Variants in TBC1D23 observed in about 807,000 individuals in gnomAD.
TBC1D23 encodes the protein TBC1 domain family member 23, also known as HCV non-structural protein 4A-transactivated protein 1.
A neutral mutation model predicts 91.4 loss-of-function variants in TBC1D23; 55 were observed. That is an observed-to-expected ratio of 0.60 (90% CI 0.48 to 0.75). TBC1D23 has a LOEUF of 0.75. Ranked by LOEUF, TBC1D23 falls within the 30% of genes least tolerant of loss-of-function variation. The pLI, the probability that TBC1D23 is intolerant of heterozygous loss-of-function variation, is 0.00. For missense variants in TBC1D23, 725 were observed against 836.1 expected, an observed-to-expected ratio of 0.87 and a Z score of 1.64; for synonymous variants, 289 against 281.0, an observed-to-expected ratio of 1.03 and a Z score of -0.28.
chr3:100,308,546 A>G (rs1705559775), intron 13 of TBC1D23, among the ~76,000 whole-genome samples: 1 of 152,220 alleles, frequency 6.6e-6, no homozygotes, highest in Admixed American at 6.5e-5. Flanking sequence ...AAAAGTATAA[A>G]GAAAATAAAA....
intron 1 of TBC1D23, among the ~76,000 whole-genome samples, chr3:100,274,972 A>G (rs560444108): frequency 7.0e-6 from 1 of 143,388 alleles, no homozygotes; most frequent in Admixed American, 7.1e-5. Context: ...GCTACTGTGG[A>G]TAATGCTGCT....
chr3:100,278,339 A>G (rs1446774546), intron 1 of TBC1D23, among the ~76,000 whole-genome samples: 5 of 152,162 alleles, frequency 3.3e-5, no homozygotes, highest in Non-Finnish European at 7.3e-5. Context: ...GAAATCATAA[A>G]CAATGACTGA....
chr3:100,296,581 C>T (rs1390940711), intron 8 of TBC1D23, among the ~76,000 whole-genome samples: 10 of 151,940 alleles, frequency 6.6e-5, no homozygotes, highest in South Asian at 2.1e-4. Context: ...ATTACAGGGC[C>T]GGGCGTGGTG....
intron 15 of TBC1D23, 22 bp from the exon 16 acceptor site, chr3:100,316,077 T>C (rs1434707050): frequency 1.9e-6 from 3 of 1,562,560 alleles, no homozygotes; most frequent in South Asian, 1.1e-5. Context: ...ATTATTTCTC[T>C]CCTAAAATTC....
intron 2 of TBC1D23, among the ~76,000 whole-genome samples, chr3:100,280,585 C>T (rs1049205340): frequency 1.3e-5 from 2 of 152,148 alleles, no homozygotes; most frequent in African/African-American, 4.8e-5. Context: ...GGTCTTGGTG[C>T]TTACCTTTTT....
chr3:100,300,222 CAG>C lies in TBC1D23; in HGVS notation c.1092+892_1092+893del, dbSNP rs1463631714. Among the ~76,000 whole-genome samples, 5 of 152,128 alleles carry C rather than the reference CAG, an allele frequency of 3.3e-5. No individual in the cohort carries two copies. In the East Asian group the frequency reaches 9.6e-4, roughly 29 times the overall value. ...AGCCATTCTGGGATCATTAAAGCCT[CAG>C]GGATGGGGAACACAGGAATGGGATG... On this transcript the variant is annotated intron_variant, in intron 10 of 18. Transcript: ENST00000394144.
chr3:100,314,711 G>A (rs531383652), intron 15 of TBC1D23, among the ~76,000 whole-genome samples: 149 of 152,318 alleles, frequency 9.8e-4, no homozygotes, highest in Admixed American at 2.1e-3. Flanking sequence ...CCAAGAATTC[G>A]AGGCTGCAGT....
Position 100,283,716 on chromosome 3 carries a change from C to T in TBC1D23, c.381C>T (p.Ser127=). ...SRNIKYSTSL[S]WIHLLKPLVH... is the part of the protein sequence containing the mutation. Reference sequence around the variant, plus strand: ...ACATTAAATATAGCACATCCCTTAGCTGGATACATCTACTGAAACCATTGG... The same window carrying T: ...ACATTAAATATAGCACATCCCTTAGTTGGATACATCTACTGAAACCATTGG... The change falls in exon 4 of 19, where the codon AGC becomes AGT. Residue 127 remains serine (S), a synonymous_variant. Transcript: ENST00000394144. 1.2e-6 allele frequency: 2 copies of T among 1,612,226 alleles called. No homozygotes were observed. The highest frequency in any genetic ancestry group is 8.5e-7 in the Non-Finnish European group (1 of 1,178,276).
At chr3:100,261,136 C>G in intron 1 of TBC1D23, 65 bp downstream of exon 1, 1 of 1,487,052 alleles carries the variant, frequency 6.7e-7, no homozygotes, top group South Asian at 1.1e-5. Flanking sequence ...TCTTGCCGGT[C>G]CCCGAGGAGC....
rs1004708350 is a variant in TBC1D23, at chr3:100,311,951, C to T, written c.1598+74C>T. ...TATGCTTCATGCCATCTATAAGCCT[C>T]ATGCTGTCTTGGCTCAAATTTCATG... On this transcript the variant is annotated intron_variant, in intron 15 of 18. Coordinates refer to ENST00000394144, the MANE Select transcript of TBC1D23 (RefSeq NM_001199198.3). The T allele has an allele frequency of 2.2e-4, 226 of 1,014,442 alleles. 2 individuals carry two copies. The Admixed American group carries it at 4.5e-3, about 20-fold the overall frequency. The allele number at this position is 1,014,442 out of a possible 1,614,324, so 62.8% of individuals were successfully genotyped here. A position where few individuals can be genotyped will look rare whatever the true frequency, so the allele number is the denominator to read the frequency against.
chr3:100,292,161 T>C (rs1236132740), intron 5 of TBC1D23, among the ~76,000 whole-genome samples: 1 of 152,164 alleles, frequency 6.6e-6, no homozygotes, highest in Admixed American at 6.6e-5. Flanking sequence ...GCAGGTAAAT[T>C]CTACATATTT....
intron 1 of TBC1D23, among the ~76,000 whole-genome samples, chr3:100,262,986 G>A (rs910720794): frequency 2.0e-5 from 3 of 152,084 alleles, no homozygotes; most frequent in African/African-American, 7.2e-5. Flanking sequence ...GATGGGAAAG[G>A]CCTCTGAATG....
At chr3:100,318,187 A>G (rs1330416012) in intron 16 of TBC1D23, among the ~76,000 whole-genome samples, 5 of 152,060 alleles carry the variant, frequency 3.3e-5, no homozygotes, top group Non-Finnish European at 5.9e-5. Flanking sequence ...TTATGTCTCT[A>G]TATTTTGCAG....
At position 100,304,909 on chromosome 3, in the gene TBC1D23, T is replaced by G. The variant is rs1250444703; in HGVS notation, c.1306+21T>G. On this transcript the variant is annotated intron_variant, in intron 12 of 18. Transcript: ENST00000394144. Reference sequence around the variant, plus strand: ...TATGGGTAAGATTTTGATTTATTAGTTTTTTTCCTCTATGTTTCAGAAGAA... The same window carrying G: ...TATGGGTAAGATTTTGATTTATTAGGTTTTTTCCTCTATGTTTCAGAAGAA... 3.0e-6 allele frequency: 4 copies of G among 1,343,758 alleles called. No individual in the cohort carries two copies. The East Asian group carries it at 9.2e-5, about 31-fold the overall frequency. 83.2% of individuals were successfully genotyped at this position (1,343,758 alleles called of 1,614,324 possible).
chr3:100,296,193 C>G lies in TBC1D23; in HGVS notation c.794C>G (p.Ser265Cys), dbSNP rs998066788. 7 of 1,583,048 alleles carry G rather than the reference C, an allele frequency of 4.4e-6. No individual in the cohort carries two copies. Among genetic ancestry groups the G allele is most frequent in the African/African-American group, 2.7e-5 (2 of 73,498 alleles). ...TCAGAGTTCTTGGAAAATACTCCAT[C>G]CAGTCTGAATATAGAAGATATAGAA... ...EVIKFLENTPSSLNIEDIEDL... is the reference protein window; with the variant it reads ...EVIKFLENTPCSLNIEDIEDL... The change falls in exon 8 of 19, where the codon TCC becomes TGC. Residue 265 changes from serine (S) to cysteine (C), a missense_variant. Coordinates refer to ENST00000394144, the MANE Select transcript of TBC1D23 (RefSeq NM_001199198.3).
At chr3:100,323,490 C>G (rs1705900886) in intron 18 of TBC1D23, 97 bp from the exon 19 acceptor site, 1 of 500,796 alleles carries the variant, frequency 2.0e-6, no homozygotes, top group Non-Finnish European at 2.9e-6. Flanking sequence ...TTGGAGGTGA[C>G]CTATCAGCTG....
At chr3:100,268,516 T>C (rs956856953) in intron 1 of TBC1D23, among the ~76,000 whole-genome samples, 2 of 152,224 alleles carry the variant, frequency 1.3e-5, no homozygotes, top group African/African-American at 4.8e-5. Context: ...GTTGTTTCTT[T>C]ATAACAACTA....
chr3:100,316,049 T>C, intron 15 of TBC1D23, 50 bp from the exon 16 acceptor site: 1 of 1,430,582 alleles, frequency 7.0e-7, no homozygotes, highest in African/African-American at 1.4e-5. Context: ...GTAAAAATCT[T>C]TGATAACTTC....
intron 1 of TBC1D23, among the ~76,000 whole-genome samples, chr3:100,262,568 T>C (rs1242684413): frequency 6.6e-6 from 1 of 151,700 alleles, no homozygotes; most frequent in Non-Finnish European, 1.5e-5. Flanking sequence ...CTACTAAGAA[T>C]ATAAAAATTA....
Sources: allele counts gnomAD v4.1 joint callset (sites outside exome capture counted in the v4.1 genomes callset), GRCh38; gene constraint gnomAD v4.1.1; transcripts MANE v1.5; gene names NCBI Gene and HGNC (gene_info 2026-07-23, HGNC 2026-07-21).